The following ZNF521 variants were observed in gnomAD, a reference collection of about 807,000 sequenced individuals.
ZNF521 encodes the protein zinc finger protein 521, also known as LYST-interacting protein 3.
Under a neutral mutation model 105.5 loss-of-function variants are expected in ZNF521, and 14 were observed. That is an observed-to-expected ratio of 0.13 (90% CI 0.09 to 0.21). The LOEUF is 0.21. Among genes scored for constraint, ZNF521 ranks in the 10% least tolerant of loss-of-function variants. The probability of loss-of-function intolerance (pLI) is 1.00; values close to 1 mark genes in which losing one functional copy is unlikely to be tolerated. For missense variants in ZNF521, 1,233 were observed against 1,629.7 expected, an observed-to-expected ratio of 0.76 and a Z score of 4.19; for synonymous variants, 635 against 606.0, an observed-to-expected ratio of 1.05 and a Z score of -0.70.
At chr18:25,196,900 G>C (rs993812070) in intron 4 of ZNF521, among the ~76,000 whole-genome samples, 4 of 151,676 alleles carry the variant, frequency 2.6e-5, no homozygotes, top group African/African-American at 9.7e-5. Flanking sequence ...GAAAAACAAA[G>C]AAACATAAAC....
At chr18:25,249,610 T>G (rs1907971879) in intron 3 of ZNF521, among the ~76,000 whole-genome samples, 1 of 151,958 alleles carries the variant, frequency 6.6e-6, no homozygotes, top group Non-Finnish European at 1.5e-5. Flanking sequence ...TACAGGCGCA[T>G]GCCACCATGC....
intron 2 of ZNF521, among the ~76,000 whole-genome samples, chr18:25,345,614 C>T (rs1040973799): frequency 6.6e-6 from 1 of 152,160 alleles, no homozygotes; most frequent in Non-Finnish European, 1.5e-5. Context: ...AATCGTGAAA[C>T]CGGCGTTTTG....
chr18:25,314,131 A>G (rs1347961777), intron 3 of ZNF521, among the ~76,000 whole-genome samples: 1 of 152,188 alleles, frequency 6.6e-6, no homozygotes, highest in Admixed American at 6.5e-5. Context: ...ATGAACTAAA[A>G]AGTTGAAATA....
At chr18:25,180,111 C>CT (rs1159127595) in intron 5 of ZNF521, among the ~76,000 whole-genome samples, 1 of 152,000 alleles carries the variant, frequency 6.6e-6, no homozygotes, top group Non-Finnish European at 1.5e-5. Context: ...AATGAAAGCC[C>CT]TTTTTTGCCC....
chr18:25,305,907 C>T (rs1417448513), intron 3 of ZNF521, among the ~76,000 whole-genome samples: 2 of 152,202 alleles, frequency 1.3e-5, no homozygotes, highest in African/African-American at 2.4e-5. Flanking sequence ...ACACACCTTG[C>T]CATGATGATA....
chr18:25,063,871 C>A (rs149422350), intron 7 of ZNF521, among the ~76,000 whole-genome samples: 2 of 152,292 alleles, frequency 1.3e-5, no homozygotes, highest in Non-Finnish European at 2.9e-5. Flanking sequence ...CAAAATATCA[C>A]CACTTCCATC....
At chr18:25,212,974 A>G (rs1249544366) in intron 4 of ZNF521, among the ~76,000 whole-genome samples, 1 of 151,592 alleles carries the variant, frequency 6.6e-6, no homozygotes, top group Non-Finnish European at 1.5e-5. Flanking sequence ...ATGCAAATAT[A>G]TTACCTGTAT....
intron 3 of ZNF521, among the ~76,000 whole-genome samples, chr18:25,254,292 A>T (rs1001816332): frequency 1.3e-5 from 2 of 152,138 alleles, no homozygotes; most frequent in African/African-American, 4.8e-5. Context: ...TTTGTCTTAC[A>T]GGTAGAAGCA....
rs9961431 is a variant in ZNF521, at chr18:25,268,305, T to C, written c.221-40608A>G. Reference sequence around the variant, plus strand: ...TATGTGAAAAGACCAAATTTATGTTTGATTGCTGTACCTGAAAGTGATGGG... The same window carrying C: ...TATGTGAAAAGACCAAATTTATGTTCGATTGCTGTACCTGAAAGTGATGGG... On this transcript the variant is annotated intron_variant, in intron 3 of 7. Transcript: ENST00000361524. Among the ~76,000 whole-genome samples, 604 of 152,320 alleles carry C rather than the reference T, an allele frequency of 4.0e-3. 8 individuals are homozygous for C. The highest frequency in any genetic ancestry group is 0.014 in the African/African-American group (582 of 41,562).
Position 25,174,441 on chromosome 18 carries a change from C to T in ZNF521, c.3658+20719G>A, listed in dbSNP as rs73404908. 3.0e-3 allele frequency among the ~76,000 whole-genome samples: 462 copies of T among 152,238 alleles called. 2 individuals are homozygous for T. Among genetic ancestry groups the T allele is most frequent in the African/African-American group, 0.011 (443 of 41,534 alleles). ...ACATTAGTCTCTACTCATAAGGGGA[C>T]CCAGGATTCAAGCTAGTATAAATAA... On this transcript the variant is annotated intron_variant, in intron 5 of 7. Transcript: ENST00000361524.
At chr18:25,343,559 T>C (rs1914327290) in intron 2 of ZNF521, among the ~76,000 whole-genome samples, 1 of 152,228 alleles carries the variant, frequency 6.6e-6, no homozygotes, top group Admixed American at 6.5e-5. Flanking sequence ...AACTGCACTA[T>C]TATGAAAACA....
chr18:25,291,803 A>ATTC (rs1911040960), intron 3 of ZNF521, among the ~76,000 whole-genome samples: 1 of 152,194 alleles, frequency 6.6e-6, no homozygotes. Flanking sequence ...AGGAAACTCG[A>ATTC]GAAAATAGAA....
chr18:25,191,227 A>C (rs918868583), intron 5 of ZNF521, among the ~76,000 whole-genome samples: 15 of 152,302 alleles, frequency 9.8e-5, no homozygotes, highest in African/African-American at 3.6e-4. Flanking sequence ...AGTATATTTT[A>C]AAAAATAATC....
intron 2 of ZNF521, among the ~76,000 whole-genome samples, chr18:25,330,761 C>T (rs1457968028): frequency 6.6e-6 from 1 of 152,128 alleles, no homozygotes; most frequent in South Asian, 2.1e-4. Flanking sequence ...CAGACTACTA[C>T]TTTTAATAAC....
chr18:25,307,852 T>TG (rs1264573644), intron 3 of ZNF521, among the ~76,000 whole-genome samples: 1 of 152,054 alleles, frequency 6.6e-6, no homozygotes, highest in African/African-American at 2.4e-5. Flanking sequence ...GAAAGGCCCT[T>TG]GCAGTGAAGC....
At chr18:25,252,695 T>C (rs1004796778) in intron 3 of ZNF521, among the ~76,000 whole-genome samples, 1 of 152,158 alleles carries the variant, frequency 6.6e-6, no homozygotes, top group African/African-American at 2.4e-5. Context: ...TTTATTCTCA[T>C]CTCATAGTAA....
At chr18:25,146,465 C>G (rs974921221) in intron 5 of ZNF521, among the ~76,000 whole-genome samples, 1 of 151,996 alleles carries the variant, frequency 6.6e-6, no homozygotes, top group African/African-American at 2.4e-5. Context: ...AAGCAGGGAG[C>G]CCTATAGAAA....
At chr18:25,077,210 C>T (rs2033382444) in intron 7 of ZNF521, among the ~76,000 whole-genome samples, 2 of 152,166 alleles carry the variant, frequency 1.3e-5, no homozygotes, top group African/African-American at 2.4e-5. Flanking sequence ...GCAAGGAAAG[C>T]CTACACAGCA....
chr18:25,350,654 T>A (rs976727953), intron 2 of ZNF521, among the ~76,000 whole-genome samples: 2 of 151,520 alleles, frequency 1.3e-5, no homozygotes, highest in Non-Finnish European at 2.9e-5. Flanking sequence ...TTTTTTCGGT[T>A]GTTGTTGTCT....
Sources: allele counts gnomAD v4.1 joint callset (sites outside exome capture counted in the v4.1 genomes callset), GRCh38; gene constraint gnomAD v4.1.1; transcripts MANE v1.5; gene names NCBI Gene and HGNC (gene_info 2026-07-23, HGNC 2026-07-21).